The following LYRM4 variants were observed in gnomAD, a reference collection of about 807,000 sequenced individuals.
The protein encoded by LYRM4 is LYR motif containing 4, also known as LYR motif-containing protein 4.
A neutral mutation model predicts 11.7 loss-of-function variants in LYRM4; 9 were observed. The observed-to-expected ratio is 0.77, with a 90% CI of 0.46 to 1.34. The LOEUF is 1.34. Among genes scored for constraint, LYRM4 ranks in the 40% most tolerant of loss-of-function variants. LYRM4 has a pLI of 0.00. For missense variants in LYRM4, 133 were observed against 112.5 expected (o/e 1.18, Z -0.82); for synonymous variants, 42 against 40.4 (o/e 1.04, Z -0.15).
chr6:5,193,864 G>A (rs1050776230), intron 2 of LYRM4, among the ~76,000 whole-genome samples: 3 of 151,206 alleles, frequency 2.0e-5, no homozygotes, highest in Non-Finnish European at 2.9e-5. Flanking sequence ...CTCAGAAAAA[G>A]GACATATAGT....
intron 2 of LYRM4, among the ~76,000 whole-genome samples, chr6:5,151,107 C>T (rs1251201378): frequency 7.3e-5 from 10 of 137,748 alleles, no homozygotes; most frequent in Non-Finnish European, 1.2e-4. Flanking sequence ...TTTTTTGCAA[C>T]GGAGTCTTGC....
intron 1 of LYRM4, chr6:5,218,420 A>G (rs1762400298): frequency 1.0e-6 from 1 of 979,896 alleles, no homozygotes; most frequent in Non-Finnish European, 1.2e-6. Flanking sequence ...TAAAAAGGAC[A>G]AATTGTTTCA....
At chr6:5,170,147 C>T (rs1403966594) in intron 2 of LYRM4, among the ~76,000 whole-genome samples, 1 of 152,150 alleles carries the variant, frequency 6.6e-6, no homozygotes, top group East Asian at 1.9e-4. Context: ...TCTTTGGATG[C>T]CAAAGGGTTT....
intron 2 of LYRM4, among the ~76,000 whole-genome samples, chr6:5,110,367 C>T (rs1017925817): frequency 2.0e-5 from 3 of 152,166 alleles, no homozygotes; most frequent in East Asian, 1.9e-4. Flanking sequence ...TGCTCTATTT[C>T]GAAGTGAAGG....
At chr6:5,239,956 G>C (rs978168469) in intron 1 of LYRM4, among the ~76,000 whole-genome samples, 3 of 152,228 alleles carry the variant, frequency 2.0e-5, no homozygotes, top group Admixed American at 2.0e-4. Flanking sequence ...AAGGGAAGCT[G>C]ATGCCCCCGG....
At chr6:5,061,626 C>T in the LYRM4 span, among the ~76,000 whole-genome samples, 1 of 152,186 alleles carries the variant, frequency 6.6e-6, no homozygotes. Flanking sequence ...TAACTACCTG[C>T]ATGGTGCAAG....
chr6:5,245,104 A>T (rs1218270718), intron 1 of LYRM4, among the ~76,000 whole-genome samples: 10 of 57,084 alleles, frequency 1.8e-4, no homozygotes, highest in African/African-American at 6.5e-4. Context: ...AAAAAAAAAA[A>T]AAAAAAAAAA....
chr6:5,246,497 G>C (rs1461839699), intron 1 of LYRM4, among the ~76,000 whole-genome samples: 1 of 152,178 alleles, frequency 6.6e-6, no homozygotes, highest in Admixed American at 6.5e-5. Flanking sequence ...ATTTATCCTA[G>C]TGCCCAGCAC....
chr6:5,058,177 A>G, the LYRM4 span, among the ~76,000 whole-genome samples: 3 of 152,052 alleles, frequency 2.0e-5, no homozygotes, highest in Non-Finnish European at 4.4e-5. Flanking sequence ...AAGAGTCTAC[A>G]CGGGGCTCTC....
chr6:5,144,663 G>T (rs1389872586), intron 2 of LYRM4, among the ~76,000 whole-genome samples: 2 of 124,288 alleles, frequency 1.6e-5, no homozygotes, highest in African/African-American at 5.7e-5. Context: ...AAAGAAATAC[G>T]TCAGGTGAAT....
At chr6:5,160,051 C>T (rs1055024366) in intron 2 of LYRM4, among the ~76,000 whole-genome samples, 1 of 152,168 alleles carries the variant, frequency 6.6e-6, no homozygotes, top group African/African-American at 2.4e-5. Context: ...CGAGGACCAC[C>T]CATCCGGAAG....
chr6:5,254,931 C>T (rs1374518359), intron 1 of LYRM4, among the ~76,000 whole-genome samples: 5 of 152,086 alleles, frequency 3.3e-5, no homozygotes, highest in Non-Finnish European at 5.9e-5. Context: ...CAGCAATTTA[C>T]GCACTTCTGA....
chr6:5,068,257 C>G, the LYRM4 span, among the ~76,000 whole-genome samples: 1 of 152,214 alleles, frequency 6.6e-6, no homozygotes, highest in Non-Finnish European at 1.5e-5. This position sits in a 1 kb window ranked among gnomAD's most constrained non-coding sequence, Gnocchi z 4.0. Context: ...CGACATCAAC[C>G]ATCGTCCGCT....
At chr6:5,164,967 C>CAAG (rs1758988260) in intron 2 of LYRM4, among the ~76,000 whole-genome samples, 2 of 105,116 alleles carry the variant, frequency 1.9e-5, no homozygotes, top group African/African-American at 7.6e-5. Flanking sequence ...GACTGTGTCT[C>CAAG]AAAAAAAAAA....
intron 2 of LYRM4, among the ~76,000 whole-genome samples, chr6:5,135,374 G>A (rs1261863749): frequency 8.4e-5 from 1 of 11,968 alleles, no homozygotes; most frequent in African/African-American, 7.2e-4. Flanking sequence ...CGCTCCCGGG[G>A]CTGTGGAGGG....
At chr6:5,101,537 C>T (rs1762498120), downstream of LYRM4, among the ~76,000 whole-genome samples, 1 of 152,204 alleles carries the variant, frequency 6.6e-6, no homozygotes, top group Non-Finnish European at 1.5e-5. Flanking sequence ...CTCAGGATCT[C>T]ACCACCAGGA....
chr6:5,120,177 G>A (rs937554995), intron 2 of LYRM4, among the ~76,000 whole-genome samples: 6 of 152,210 alleles, frequency 3.9e-5, no homozygotes, highest in African/African-American at 1.2e-4. Context: ...TTATAGGCAT[G>A]AGGCACGGTG....
At chr6:5,049,485 ATAGATAT>A in the LYRM4 span, among the ~76,000 whole-genome samples, 1 of 152,226 alleles carries the variant, frequency 6.6e-6, no homozygotes, top group East Asian at 1.9e-4. Context: ...AGTTGAGGTC[ATAGATAT>A]TAGAATTAGT....
chr6:5,243,277 C>G (rs962043013), intron 1 of LYRM4, among the ~76,000 whole-genome samples: 1 of 152,200 alleles, frequency 6.6e-6, no homozygotes, highest in Non-Finnish European at 1.5e-5. Flanking sequence ...ATGCCCGGGG[C>G]GCACAGCGTG....
Sources: gnomAD v4.1 joint callset for allele counts (sites outside exome capture counted in the v4.1 genomes callset) on GRCh38, gnomAD v4.1.1 for gene constraint, Gnocchi (gnomAD v3.1) non-coding constraint, MANE v1.5 for transcripts, NCBI Gene and HGNC (gene_info 2026-07-23, HGNC 2026-07-21) for gene names.